Variants in USH2A observed in about 807,000 individuals in gnomAD.
USH2A encodes the protein usherin.
A neutral mutation model predicts 538.9 loss-of-function variants in USH2A; 443 were observed. That is an observed-to-expected ratio of 0.82 (90% CI 0.76 to 0.89). The LOEUF is 0.89. Ranked by LOEUF, USH2A falls within the 40% of genes least tolerant of loss-of-function variation. USH2A has a pLI of 0.00. For synonymous variants in USH2A, 2,413 were observed against 2,273.5 expected (o/e 1.06, Z -1.75); for missense variants, 6,633 against 6,324.8 (o/e 1.05, Z -1.65).
chr1:216,298,783 G>T (rs1254349000), intron 9 of USH2A, among the ~76,000 whole-genome samples: 2 of 152,034 alleles, frequency 1.3e-5, no homozygotes, highest in Non-Finnish European at 2.9e-5. Flanking sequence ...CTTTTAGGAG[G>T]AGCAACATAT....
chr1:216,275,258 T>G (rs2036650942), intron 11 of USH2A, among the ~76,000 whole-genome samples: 1 of 152,108 alleles, frequency 6.6e-6, no homozygotes, highest in Admixed American at 6.6e-5. Context: ...TTCATAAATG[T>G]CATCTGAATG....
intron 50 of USH2A, among the ~76,000 whole-genome samples, chr1:215,792,044 A>T (rs1260564703): frequency 6.6e-6 from 1 of 152,156 alleles, no homozygotes; most frequent in African/African-American, 2.4e-5. Flanking sequence ...AAGACAATTC[A>T]TGTTTCTCTT....
chr1:215,766,912 A>C, intron 55 of USH2A, 124 bp from the exon 56 acceptor site: 1 of 932,854 alleles, frequency 1.1e-6, no homozygotes, highest in Non-Finnish European at 1.7e-6. Context: ...ACTCTCTAAA[A>C]CACTCTTTAA....
chr1:216,018,790 C>T (rs1668777433), intron 32 of USH2A, among the ~76,000 whole-genome samples: 1 of 73,802 alleles, frequency 1.4e-5, no homozygotes, highest in Non-Finnish European at 2.4e-5. Context: ...TGTTAAGTAG[C>T]ATCTCATTTA....
chr1:215,882,166 G>A (rs1456504998), intron 41 of USH2A, among the ~76,000 whole-genome samples: 1 of 152,166 alleles, frequency 6.6e-6, no homozygotes, highest in Admixed American at 6.5e-5. Context: ...GTCTCAAAGC[G>A]GTGTGGCTTT....
chr1:215,917,759 C>CATAGTGAA (rs202201508), intron 38 of USH2A, among the ~76,000 whole-genome samples: 2,001 of 95,184 alleles, frequency 0.021, 37 homozygotes, highest in Non-Finnish European at 0.03. Flanking sequence ...GTCTGAGTAA[C>CATAGTGAA]ATAGTGAAAC....
rs1020152265 is a variant in USH2A at position 216,292,382 on chromosome 1, A to G, written c.1645-12T>C. On this transcript the variant is annotated splice_polypyrimidine_tract_variant and intron_variant, in intron 9 of 71. Coordinates refer to ENST00000307340, the MANE Select transcript of USH2A (RefSeq NM_206933.4). ...AAGCAGCGATCACACTAGAACAAAAAATATCAGAACAGTAAAGAAAATAAA... is the reference window on the plus strand; with the variant it reads ...AAGCAGCGATCACACTAGAACAAAAGATATCAGAACAGTAAAGAAAATAAA... 13 of 1,613,216 alleles carry G rather than the reference A, an allele frequency of 8.1e-6. No homozygotes were observed. The highest frequency in any genetic ancestry group is 1.1e-5 in the Non-Finnish European group (13 of 1,179,580).
intron 35 of USH2A, among the ~76,000 whole-genome samples, chr1:215,990,306 A>G (rs1667972597): frequency 6.6e-6 from 1 of 152,232 alleles, no homozygotes; most frequent in Non-Finnish European, 1.5e-5. Flanking sequence ...ATGCATTTTG[A>G]ACAAATATAT....
intron 70 of USH2A, chr1:215,630,093 G>T: frequency 1.9e-6 from 1 of 516,254 alleles, no homozygotes; most frequent in Non-Finnish European, 3.9e-6. Flanking sequence ...CCAAGGAATG[G>T]ATATATGGAA....
At chr1:215,824,093 T>C (rs1014641731) in intron 47 of USH2A, among the ~76,000 whole-genome samples, 2 of 152,122 alleles carry the variant, frequency 1.3e-5, no homozygotes, top group Non-Finnish European at 2.9e-5. Flanking sequence ...GTTGTATGTC[T>C]GCAAACACAC....
chr1:215,628,741 A>G (rs1656149778), intron 71 of USH2A, 73 bp downstream of exon 71: 1 of 1,502,538 alleles, frequency 6.7e-7, no homozygotes, highest in African/African-American at 1.4e-5. Flanking sequence ...CATTCGGTGA[A>G]GTACAGGCAG....
intron 57 of USH2A, among the ~76,000 whole-genome samples, chr1:215,759,210 T>C (rs1660904017): frequency 6.6e-6 from 1 of 152,100 alleles, no homozygotes; most frequent in Non-Finnish European, 1.5e-5. Flanking sequence ...TGCTGAGAAA[T>C]GAATGGGAAT....
chr1:216,410,082 T>C (rs937952109), intron 3 of USH2A, among the ~76,000 whole-genome samples: 1 of 151,986 alleles, frequency 6.6e-6, no homozygotes, highest in African/African-American at 2.4e-5. Flanking sequence ...AAAGAAGACA[T>C]ACATGTGGCC....
chr1:216,188,347 C>T (rs1281406641), intron 20 of USH2A, among the ~76,000 whole-genome samples: 1 of 151,740 alleles, frequency 6.6e-6, no homozygotes, highest in African/African-American at 2.4e-5. Flanking sequence ...GCATGTCTCT[C>T]TTCAGGTTCT....
chr1:215,806,780 T>G (rs1662515203), intron 49 of USH2A, among the ~76,000 whole-genome samples: 2 of 152,110 alleles, frequency 1.3e-5, no homozygotes, highest in Admixed American at 1.3e-4. Flanking sequence ...CATTTCCCTG[T>G]AGTTCCCAAC....
At chr1:216,153,960 AG>A (rs1347009833) in intron 21 of USH2A, among the ~76,000 whole-genome samples, 1 of 152,204 alleles carries the variant, frequency 6.6e-6, no homozygotes, top group East Asian at 1.9e-4. Flanking sequence ...AGTATGCAGA[AG>A]AAATCTGTTT....
At chr1:216,082,113 A>G (rs118177113) in intron 26 of USH2A, among the ~76,000 whole-genome samples, 2 of 152,116 alleles carry the variant, frequency 1.3e-5, no homozygotes, top group South Asian at 2.1e-4. Flanking sequence ...AGATGACTCA[A>G]CGATGCTCAG....
chr1:216,003,485 A>G (rs915016877), intron 32 of USH2A, among the ~76,000 whole-genome samples: 5 of 152,060 alleles, frequency 3.3e-5, no homozygotes, highest in African/African-American at 1.2e-4. Flanking sequence ...CTCATTGGGA[A>G]GGTGGCATTT....
intron 37 of USH2A, among the ~76,000 whole-genome samples, chr1:215,950,320 T>C (rs75177916): frequency 0.012 from 1,884 of 152,242 alleles, 32 homozygotes; most frequent in African/African-American, 0.042. Flanking sequence ...GAATATTAAA[T>C]ACTTGTTATG....
Sources: gnomAD v4.1 joint callset for allele counts (sites outside exome capture counted in the v4.1 genomes callset) on GRCh38, gnomAD v4.1.1 for gene constraint, MANE v1.5 for transcripts, NCBI Gene and HGNC (gene_info 2026-07-23, HGNC 2026-07-21) for gene names.